SCFD2: variants seen among roughly 807,000 people sequenced by gnomAD.
SCFD2 encodes the protein sec1 family domain-containing protein 2.
In SCFD2, 54 loss-of-function variants were observed where a neutral mutation model predicts 58.9. That is an observed-to-expected ratio of 0.92 (90% CI 0.74 to 1.15). The LOEUF (loss-of-function observed/expected upper bound fraction) is 1.15, where lower values mean the gene tolerates loss of function less well. Ranked by LOEUF, SCFD2 falls within the 50% of genes most tolerant of loss-of-function variation. SCFD2 has a pLI of 0.00. For missense variants in SCFD2, 805 were observed against 836.6 expected, an observed-to-expected ratio of 0.96 and a Z score of 0.47; for synonymous variants, 321 against 335.9, an observed-to-expected ratio of 0.96 and a Z score of 0.49.
At chr4:53,209,299 G>C (rs1454403581) in intron 4 of SCFD2, among the ~76,000 whole-genome samples, 1 of 152,122 alleles carries the variant, frequency 6.6e-6, no homozygotes, top group African/African-American at 2.4e-5. Flanking sequence ...CACTAGATGA[G>C]GGGGCGGCAG....
chr4:53,228,465 C>G (rs1729302770), intron 4 of SCFD2, among the ~76,000 whole-genome samples: 1 of 152,138 alleles, frequency 6.6e-6, no homozygotes, highest in Non-Finnish European at 1.5e-5. Context: ...TCAACAATAA[C>G]ATTACCTCTT....
At chr4:53,156,554 C>T (rs530256944) in intron 4 of SCFD2, among the ~76,000 whole-genome samples, 3 of 152,064 alleles carry the variant, frequency 2.0e-5, no homozygotes, top group African/African-American at 7.2e-5. Flanking sequence ...AAAAATTAGC[C>T]GGGTGTGGTG....
intron 5 of SCFD2, among the ~76,000 whole-genome samples, chr4:52,941,165 C>A (rs954779587): frequency 6.6e-6 from 1 of 151,906 alleles, no homozygotes; most frequent in African/African-American, 2.4e-5. Flanking sequence ...TTTCAGCTGA[C>A]AAAATTAATT....
At chr4:53,314,471 G>A (rs1732796385) in intron 2 of SCFD2, among the ~76,000 whole-genome samples, 3 of 152,176 alleles carry the variant, frequency 2.0e-5, no homozygotes, top group Non-Finnish European at 4.4e-5. Context: ...AATTATAAAT[G>A]AGGGCAGTGT....
intron 5 of SCFD2, 126 bp downstream of exon 5, chr4:53,145,207 G>A (rs1726288953): frequency 8.5e-7 from 1 of 1,174,304 alleles, no homozygotes; most frequent in African/African-American, 1.5e-5. Flanking sequence ...GCATTCATCA[G>A]GCCTCATGAA....
intron 5 of SCFD2, among the ~76,000 whole-genome samples, chr4:52,991,157 A>G (rs1017036220): frequency 2.0e-5 from 3 of 152,204 alleles, no homozygotes; most frequent in African/African-American, 4.8e-5. Flanking sequence ...ATGGTGAGAC[A>G]TGGGAGATAG....
intron 5 of SCFD2, among the ~76,000 whole-genome samples, chr4:53,094,634 C>G (rs1379153890): frequency 1.3e-5 from 2 of 152,038 alleles, no homozygotes; most frequent in Non-Finnish European, 1.5e-5. Flanking sequence ...CAACTCTGCT[C>G]TTTTTCCCAA....
At chr4:53,069,342 C>A (rs981417968) in intron 5 of SCFD2, among the ~76,000 whole-genome samples, 13 of 152,038 alleles carry the variant, frequency 8.6e-5, no homozygotes, top group African/African-American at 2.9e-4. Context: ...CAGGAGACTG[C>A]AATTCTAATT....
intron 2 of SCFD2, among the ~76,000 whole-genome samples, chr4:53,348,625 T>G (rs1376465892): frequency 6.6e-6 from 1 of 152,186 alleles, no homozygotes; most frequent in East Asian, 1.9e-4. Context: ...ACAACCTGAC[T>G]TCTGGTTTCA....
At chr4:53,337,043 T>C (rs1026129245) in intron 2 of SCFD2, among the ~76,000 whole-genome samples, 1 of 24,788 alleles carries the variant, frequency 4.0e-5, no homozygotes, top group Non-Finnish European at 9.3e-5. Flanking sequence ...ATGGGTGTAT[T>C]AGTCTACTCC....
chr4:53,100,502 C>T (rs1173512921), intron 5 of SCFD2, among the ~76,000 whole-genome samples: 2 of 152,178 alleles, frequency 1.3e-5, no homozygotes, highest in South Asian at 2.1e-4. Context: ...GAACCACTTC[C>T]TATCCACGCT....
At chr4:53,178,749 GA>G (rs893457992) in intron 4 of SCFD2, among the ~76,000 whole-genome samples, 2 of 151,824 alleles carry the variant, frequency 1.3e-5, no homozygotes, top group Non-Finnish European at 2.9e-5. Flanking sequence ...TAAAAACTTT[GA>G]AAAAAAATTA....
intron 3 of SCFD2, among the ~76,000 whole-genome samples, chr4:53,293,469 T>C (rs190821412): frequency 1.3e-5 from 2 of 152,052 alleles, no homozygotes; most frequent in Non-Finnish European, 2.9e-5. Context: ...TAAAATAAAA[T>C]AAAATGACAT....
At chr4:53,279,199 A>G (rs1460687647) in intron 3 of SCFD2, among the ~76,000 whole-genome samples, 2 of 152,252 alleles carry the variant, frequency 1.3e-5, no homozygotes, top group Non-Finnish European at 2.9e-5. Context: ...TTTAAAAGCC[A>G]TAAAACAAAG....
At chr4:53,000,735 G>A (rs1721845317) in intron 5 of SCFD2, among the ~76,000 whole-genome samples, 1 of 152,208 alleles carries the variant, frequency 6.6e-6, no homozygotes, top group South Asian at 2.1e-4. Context: ...AGAAGCAAGA[G>A]TCCCTCATGG....
chr4:53,006,939 C>G (rs1721981168), intron 5 of SCFD2, among the ~76,000 whole-genome samples: 1 of 152,032 alleles, frequency 6.6e-6, no homozygotes, highest in African/African-American at 2.4e-5. Context: ...TGGATCCCAA[C>G]AGCCAGATCT....
At chr4:52,913,624 T>C (rs1719537834) in intron 6 of SCFD2, among the ~76,000 whole-genome samples, 1 of 152,172 alleles carries the variant, frequency 6.6e-6, no homozygotes, top group South Asian at 2.1e-4. Context: ...ATAAATGCAA[T>C]GTGCTTGAAT....
At chr4:53,033,169 C>A (rs576126236) in intron 5 of SCFD2, among the ~76,000 whole-genome samples, 2 of 152,284 alleles carry the variant, frequency 1.3e-5, no homozygotes, top group South Asian at 4.2e-4. Flanking sequence ...GAAACTCACT[C>A]AAAACTGCCT....
intron 2 of SCFD2, among the ~76,000 whole-genome samples, chr4:53,341,454 A>T (rs9714828): frequency 0.58 from 87,921 of 151,934 alleles, 25,627 homozygotes; most frequent in Middle Eastern, 0.66. Flanking sequence ...ATATGGGACT[A>T]TGTGAAAAGA....
Sources: gnomAD v4.1 joint callset for allele counts (sites outside exome capture counted in the v4.1 genomes callset) on GRCh38, gnomAD v4.1.1 for gene constraint, MANE v1.5 for transcripts, NCBI Gene and HGNC (gene_info 2026-07-23, HGNC 2026-07-21) for gene names.